CFAP95: variants seen among roughly 807,000 people sequenced by gnomAD.
CFAP95 encodes the protein cilia- and flagella-associated protein 95.
At chr9:69,905,460 C>T in the CFAP95 span, among the ~76,000 whole-genome samples, 1 of 152,188 alleles carries the variant, frequency 6.6e-6, no homozygotes, top group Admixed American at 6.5e-5. Flanking sequence ...AAACACTACA[C>T]TGGGTTATGT....
chr9:69,868,002 A>T, the CFAP95 span, among the ~76,000 whole-genome samples: 3 of 152,226 alleles, frequency 2.0e-5, no homozygotes, highest in Non-Finnish European at 2.9e-5. Flanking sequence ...AAGCCATAAC[A>T]ATAGGTAATT....
At chr9:69,891,730 A>G in the CFAP95 span, among the ~76,000 whole-genome samples, 2 of 152,078 alleles carry the variant, frequency 1.3e-5, no homozygotes, top group African/African-American at 4.8e-5. Context: ...AAAAATACCC[A>G]TCTTTTCTCC....
chr9:69,863,946 CAGG>C, the CFAP95 span, among the ~76,000 whole-genome samples: 1 of 151,996 alleles, frequency 6.6e-6, no homozygotes, highest in African/African-American at 2.4e-5. Context: ...TAATGGTCCA[CAGG>C]AGAAGTCAGG....
the CFAP95 span, among the ~76,000 whole-genome samples, chr9:69,851,881 A>G: frequency 6.6e-6 from 1 of 151,706 alleles, no homozygotes. Flanking sequence ...ATAGAGAAAA[A>G]AAAAAAAGAA....
chr9:69,901,426 C>G, the CFAP95 span, among the ~76,000 whole-genome samples: 1 of 151,958 alleles, frequency 6.6e-6, no homozygotes, highest in African/African-American at 2.4e-5. Flanking sequence ...CGTGAGCCAC[C>G]GCGCCCGGCC....
At chr9:69,902,288 T>C in the CFAP95 span, 1 of 452,814 alleles carries the variant, frequency 2.2e-6, no homozygotes, top group Admixed American at 2.4e-5. Flanking sequence ...TCATTTCAAC[T>C]CTTCTCTAAG....
chr9:69,859,059 C>T, the CFAP95 span, among the ~76,000 whole-genome samples: 35 of 152,278 alleles, frequency 2.3e-4, no homozygotes, highest in Middle Eastern at 3.4e-3. Flanking sequence ...CTGATGCATA[C>T]GTACTAAATT....
At chr9:69,899,323 C>T in the CFAP95 span, among the ~76,000 whole-genome samples, 1 of 152,232 alleles carries the variant, frequency 6.6e-6, no homozygotes, top group Non-Finnish European at 1.5e-5. Flanking sequence ...CTGTCTGCAA[C>T]TCACGTATGC....
At chr9:69,830,172 T>G in the CFAP95 span, among the ~76,000 whole-genome samples, 4 of 152,182 alleles carry the variant, frequency 2.6e-5, no homozygotes, top group African/African-American at 2.4e-5. Context: ...AACTTACATC[T>G]TGATCCCACA....
the CFAP95 span, among the ~76,000 whole-genome samples, chr9:69,886,167 T>C: frequency 6.6e-6 from 1 of 152,108 alleles, no homozygotes; most frequent in South Asian, 2.1e-4. Context: ...ATTATTAGAT[T>C]GTCATGGTAT....
the CFAP95 span, among the ~76,000 whole-genome samples, chr9:69,847,880 A>C: frequency 6.6e-6 from 1 of 152,206 alleles, no homozygotes; most frequent in African/African-American, 2.4e-5. Flanking sequence ...AATCGGACTT[A>C]CTTTTGTCTA....
At chr9:69,842,225 A>G in the CFAP95 span, among the ~76,000 whole-genome samples, 599 of 152,264 alleles carry the variant, frequency 3.9e-3, 6 homozygotes, top group African/African-American at 0.014. Flanking sequence ...CAGTCTACCT[A>G]TGAGTTTGTG....
At chr9:69,853,163 A>G in the CFAP95 span, among the ~76,000 whole-genome samples, 1 of 152,188 alleles carries the variant, frequency 6.6e-6, no homozygotes, top group African/African-American at 2.4e-5. Context: ...TCTTGCCATA[A>G]GAGATTCTGC....
chr9:69,903,438 C>T, the CFAP95 span, among the ~76,000 whole-genome samples: 98 of 152,284 alleles, frequency 6.4e-4, no homozygotes, highest in Middle Eastern at 3.4e-3. Context: ...CTGCTACACC[C>T]TGGAAAATGG....
At chr9:69,906,033 G>C in the CFAP95 span, 1 of 1,613,412 alleles carries the variant, frequency 6.2e-7, no homozygotes. Flanking sequence ...GGTTCTAAAA[G>C]ATTTGGCATC....
the CFAP95 span, chr9:69,906,073 T>C: frequency 6.2e-7 from 1 of 1,613,250 alleles, no homozygotes; most frequent in African/African-American, 1.3e-5. Flanking sequence ...GTGGGATTTA[T>C]GCTAATTCAG....
At chr9:69,826,161 T>C in the CFAP95 span, among the ~76,000 whole-genome samples, 3 of 152,176 alleles carry the variant, frequency 2.0e-5, no homozygotes, top group Non-Finnish European at 4.4e-5. Flanking sequence ...GGGGAATCTT[T>C]CCATGAAGCT....
At chr9:69,840,722 C>T in the CFAP95 span, among the ~76,000 whole-genome samples, 1 of 152,074 alleles carries the variant, frequency 6.6e-6, no homozygotes, top group South Asian at 2.1e-4. Context: ...ATATTTTATA[C>T]ATTTTATAAT....
chr9:69,829,972 A>G, the CFAP95 span, among the ~76,000 whole-genome samples: 1 of 152,140 alleles, frequency 6.6e-6, no homozygotes, highest in Admixed American at 6.5e-5. Flanking sequence ...GAATGAATTA[A>G]CTCAGGATAT....
Sources: gnomAD v4.1 joint callset for allele counts (sites outside exome capture counted in the v4.1 genomes callset) on GRCh38, gnomAD v4.1.1 for gene constraint, MANE v1.5 for transcripts, NCBI Gene and HGNC (gene_info 2026-07-23, HGNC 2026-07-21) for gene names.